Variants in KHDRBS2 observed in about 807,000 individuals in gnomAD.
KHDRBS2 encodes the protein KH domain-containing, RNA-binding, signal transduction-associated protein 2.
In KHDRBS2, 26 loss-of-function variants were observed where a neutral mutation model predicts 44.3. The ratio of observed to expected loss-of-function variants is 0.59; its 90% CI spans 0.43 to 0.81. The LOEUF (loss-of-function observed/expected upper bound fraction) is 0.81. Among genes scored for constraint, KHDRBS2 ranks in the 40% least tolerant of loss-of-function variants. The probability of loss-of-function intolerance (pLI) is 0.00; values close to 1 mark genes in which losing one functional copy is unlikely to be tolerated. For missense variants in KHDRBS2, 476 were observed against 433.1 expected, an observed-to-expected ratio of 1.10 and a Z score of -0.88; for synonymous variants, 194 against 151.1, an observed-to-expected ratio of 1.28 and a Z score of -2.08.
downstream of KHDRBS2, among the ~76,000 whole-genome samples, chr6:61,676,898 C>A (rs1765976930): frequency 6.6e-6 from 1 of 151,860 alleles, no homozygotes; most frequent in Non-Finnish European, 1.5e-5. Context: ...ATCTTGCAGA[C>A]ATATGTAGGT....
the KHDRBS2 span, among the ~76,000 whole-genome samples, chr6:61,569,521 C>A: frequency 6.6e-6 from 1 of 152,170 alleles, no homozygotes; most frequent in Non-Finnish European, 1.5e-5. Flanking sequence ...AACCCTGATC[C>A]CAGAAAAGAG....
At chr6:61,572,029 G>T in the KHDRBS2 span, among the ~76,000 whole-genome samples, 2,437 of 152,088 alleles carry the variant, frequency 0.016, 65 homozygotes, top group African/African-American at 0.057. Flanking sequence ...GAAATAAAAA[G>T]CTGGTTCTTT....
chr6:61,708,271 G>C (rs1398048486), intron 7 of KHDRBS2, among the ~76,000 whole-genome samples: 2 of 151,132 alleles, frequency 1.3e-5, no homozygotes, highest in Non-Finnish European at 3.0e-5. Flanking sequence ...TTTAAGTATA[G>C]GAATATTAAA....
At chr6:61,598,092 C>A in the KHDRBS2 span, among the ~76,000 whole-genome samples, 1 of 150,792 alleles carries the variant, frequency 6.6e-6, no homozygotes, top group East Asian at 2.0e-4. Context: ...CTCCACCCAC[C>A]CCACTCCCTG....
chr6:62,257,443 C>A (rs991494115), intron 1 of KHDRBS2, among the ~76,000 whole-genome samples: 1 of 152,062 alleles, frequency 6.6e-6, no homozygotes, highest in Admixed American at 6.6e-5. Context: ...AATAACAGAG[C>A]AGATTATTCT....
intron 4 of KHDRBS2, among the ~76,000 whole-genome samples, chr6:61,951,023 G>A (rs534033581): frequency 6.6e-6 from 1 of 151,984 alleles, no homozygotes; most frequent in Non-Finnish European, 1.5e-5. Context: ...TGAGGCATGA[G>A]ATGGAATGGA....
chr6:61,765,208 T>G (rs558324330), intron 6 of KHDRBS2, among the ~76,000 whole-genome samples: 1 of 152,056 alleles, frequency 6.6e-6, no homozygotes, highest in African/African-American at 2.4e-5. Context: ...ATCCCAGCAT[T>G]TTGGAAGGCT....
chr6:61,901,531 G>C (rs1406947841), intron 4 of KHDRBS2, among the ~76,000 whole-genome samples, 160 bp from the exon 5 acceptor site: 1 of 151,886 alleles, frequency 6.6e-6, no homozygotes, highest in Non-Finnish European at 1.5e-5. Flanking sequence ...ATTAAAAAGT[G>C]TATATACTTT....
intron 4 of KHDRBS2, among the ~76,000 whole-genome samples, chr6:61,958,606 G>A (rs573885974): frequency 9.9e-5 from 15 of 152,232 alleles, no homozygotes; most frequent in African/African-American, 2.2e-4. Context: ...TGCATCACTC[G>A]GAATTGTTTC....
intron 1 of KHDRBS2, among the ~76,000 whole-genome samples, chr6:62,216,058 T>G (rs553101867): frequency 1.3e-5 from 2 of 151,902 alleles, no homozygotes; most frequent in East Asian, 3.9e-4. Context: ...ATAAAGATGT[T>G]CATGCATGTT....
chr6:62,092,763 A>G (rs1799720278), intron 2 of KHDRBS2, among the ~76,000 whole-genome samples: 1 of 152,164 alleles, frequency 6.6e-6, no homozygotes, highest in African/African-American at 2.4e-5. Context: ...CAAGGTAATC[A>G]CTTAATTTTC....
chr6:62,068,459 T>C (rs1328651489), intron 2 of KHDRBS2, among the ~76,000 whole-genome samples: 1 of 151,612 alleles, frequency 6.6e-6, no homozygotes, highest in African/African-American at 2.4e-5. Flanking sequence ...TTCTTTGGGC[T>C]GTGTTTTCAT....
At chr6:62,178,179 ATTAC>A (rs1468109544) in intron 1 of KHDRBS2, among the ~76,000 whole-genome samples, 1 of 151,520 alleles carries the variant, frequency 6.6e-6, no homozygotes, top group Non-Finnish European at 1.5e-5. Flanking sequence ...AGCAGTGGCT[ATTAC>A]TTCAGATTTG....
intron 8 of KHDRBS2, among the ~76,000 whole-genome samples, chr6:61,686,208 C>A (rs1469367207): frequency 1.3e-5 from 2 of 151,604 alleles, no homozygotes; most frequent in African/African-American, 4.8e-5. Flanking sequence ...GAAGCTCATG[C>A]GATTTTTGGT....
chr6:61,899,339 A>C (rs976498519), intron 5 of KHDRBS2, among the ~76,000 whole-genome samples: 2 of 151,916 alleles, frequency 1.3e-5, no homozygotes, highest in African/African-American at 4.8e-5. Flanking sequence ...GAAGACAACA[A>C]AATTCTGTTT....
intron 6 of KHDRBS2, among the ~76,000 whole-genome samples, chr6:61,757,847 A>T (rs1036833292): frequency 7.2e-5 from 11 of 152,174 alleles, no homozygotes; most frequent in Admixed American, 5.2e-4. Flanking sequence ...ACAATGTCCC[A>T]TTAATAACGA....
At chr6:62,075,108 A>G (rs1796075602) in intron 2 of KHDRBS2, among the ~76,000 whole-genome samples, 1 of 152,010 alleles carries the variant, frequency 6.6e-6, no homozygotes, top group South Asian at 2.1e-4. Flanking sequence ...CTTATGTTTT[A>G]ACTCTTATGC....
chr6:61,685,269 C>A (rs1204118), intron 8 of KHDRBS2, among the ~76,000 whole-genome samples: 30,681 of 151,554 alleles, frequency 0.2, 3,590 homozygotes, highest in South Asian at 0.33. Context: ...TAAAGACTTT[C>A]CTGTGTTAAT....
intron 1 of KHDRBS2, among the ~76,000 whole-genome samples, chr6:62,184,842 T>G (rs1823103708): frequency 1.3e-5 from 2 of 151,896 alleles, no homozygotes; most frequent in African/African-American, 4.8e-5. Context: ...TGCTTTTATA[T>G]AAGGTGCCTC....
Sources: gnomAD v4.1 joint callset for allele counts (sites outside exome capture counted in the v4.1 genomes callset) on GRCh38, gnomAD v4.1.1 for gene constraint, MANE v1.5 for transcripts, NCBI Gene and HGNC (gene_info 2026-07-23, HGNC 2026-07-21) for gene names.